The following CALN1 variants were observed in gnomAD, a reference collection of about 807,000 sequenced individuals.
CALN1 encodes calcium-binding protein 8.
A neutral mutation model predicts 30.6 loss-of-function variants in CALN1; 17 were observed. That is an observed-to-expected ratio of 0.56 (90% CI 0.38 to 0.83). The LOEUF (loss-of-function observed/expected upper bound fraction) is 0.83, where lower values mean the gene tolerates loss of function less well. CALN1 is among the 40% of genes least tolerant of loss of function. The pLI, the probability that CALN1 is intolerant of heterozygous loss-of-function variation, is 0.00. For synonymous variants in CALN1, 156 were observed against 131.4 expected, an observed-to-expected ratio of 1.19 and a Z score of -1.28; for missense variants, 291 against 354.9, an observed-to-expected ratio of 0.82 and a Z score of 1.45.
chr7:72,389,790 A>C (rs1805460824), intron 2 of CALN1, among the ~76,000 whole-genome samples: 1 of 151,990 alleles, frequency 6.6e-6, no homozygotes, highest in Non-Finnish European at 1.5e-5. Context: ...ACAGTGGTGC[A>C]TGCCTGTAAT....
At chr7:71,881,679 G>A (rs555220038) in intron 5 of CALN1, among the ~76,000 whole-genome samples, 6 of 152,134 alleles carry the variant, frequency 3.9e-5, no homozygotes, top group East Asian at 3.9e-4. Flanking sequence ...AGGCTATCCC[G>A]GGCTCTCCAT....
chr7:72,264,643 G>A (rs1218020426), intron 3 of CALN1, among the ~76,000 whole-genome samples: 1 of 152,048 alleles, frequency 6.6e-6, no homozygotes, highest in Admixed American at 6.6e-5. Context: ...CAAGACCACA[G>A]GTGTGCAAGC....
At chr7:72,118,074 G>A (rs1419452525) in intron 3 of CALN1, among the ~76,000 whole-genome samples, 1 of 152,076 alleles carries the variant, frequency 6.6e-6, no homozygotes, top group Non-Finnish European at 1.5e-5. Context: ...CCATTGATAG[G>A]ATGAACCTAC....
At chr7:72,149,168 A>G (rs1787016834) in intron 3 of CALN1, among the ~76,000 whole-genome samples, 1 of 152,052 alleles carries the variant, frequency 6.6e-6, no homozygotes, top group Admixed American at 6.6e-5. Flanking sequence ...CATGAGCCAA[A>G]TAAACCTCTA....
intron 3 of CALN1, among the ~76,000 whole-genome samples, chr7:72,236,886 C>A (rs1794506303): frequency 6.6e-6 from 1 of 152,118 alleles, no homozygotes; most frequent in Admixed American, 6.5e-5. Flanking sequence ...CCTAGGACAC[C>A]TCCCCATACT....
At chr7:71,886,364 A>T (rs1001890049) in intron 5 of CALN1, among the ~76,000 whole-genome samples, 3 of 152,190 alleles carry the variant, frequency 2.0e-5, no homozygotes, top group Admixed American at 6.5e-5. Flanking sequence ...TCAGTGTCCA[A>T]TGCTTCAGCC....
intron 2 of CALN1, among the ~76,000 whole-genome samples, chr7:72,371,197 ATTT>A (rs1804223213): frequency 6.6e-6 from 1 of 152,150 alleles, no homozygotes; most frequent in African/African-American, 2.4e-5. Flanking sequence ...TCCTTCCAGA[ATTT>A]TTATGATATC....
intron 4 of CALN1, among the ~76,000 whole-genome samples, chr7:72,036,217 TCTTA>T (rs1191449697): frequency 6.6e-6 from 1 of 152,228 alleles, no homozygotes; most frequent in Admixed American, 6.5e-5. Context: ...ATGCTGACAA[TCTTA>T]CTGACAATCT....
At chr7:72,409,704 T>C (rs1052743092) in intron 1 of CALN1, among the ~76,000 whole-genome samples, 2 of 152,064 alleles carry the variant, frequency 1.3e-5, no homozygotes, top group Non-Finnish European at 2.9e-5. Flanking sequence ...TTTATGGGCA[T>C]AAATAATTCA....
chr7:72,058,521 G>A (rs1803430489), intron 4 of CALN1, among the ~76,000 whole-genome samples: 1 of 151,890 alleles, frequency 6.6e-6, no homozygotes, highest in Admixed American at 6.6e-5. Context: ...GTTTCACCAT[G>A]TTGGTCAGGC....
intron 2 of CALN1, among the ~76,000 whole-genome samples, chr7:72,378,173 C>T (rs1489262359): frequency 2.0e-5 from 3 of 152,040 alleles, no homozygotes; most frequent in African/African-American, 7.2e-5. Context: ...AAAGTCAAGC[C>T]TTTTGAGCTA....
At chr7:72,090,326 C>T (rs1009876201) in intron 4 of CALN1, among the ~76,000 whole-genome samples, 2 of 151,998 alleles carry the variant, frequency 1.3e-5, no homozygotes, top group Non-Finnish European at 2.9e-5. Flanking sequence ...AAAATGTAAA[C>T]TAGAAACTTA....
At chr7:71,838,995 A>C (rs1345715346) in intron 5 of CALN1, among the ~76,000 whole-genome samples, 1 of 152,112 alleles carries the variant, frequency 6.6e-6, no homozygotes, top group East Asian at 1.9e-4. Context: ...TTTTCTTTAG[A>C]GAGAGGGTCT....
At chr7:72,018,770 T>C (rs1800543505) in intron 5 of CALN1, among the ~76,000 whole-genome samples, 1 of 152,210 alleles carries the variant, frequency 6.6e-6, no homozygotes, top group Non-Finnish European at 1.5e-5. Flanking sequence ...TCCCATTTGA[T>C]TTTATTCTAC....
At chr7:72,021,640 C>A (rs1225100674) in intron 5 of CALN1, among the ~76,000 whole-genome samples, 1 of 152,114 alleles carries the variant, frequency 6.6e-6, no homozygotes, top group African/African-American at 2.4e-5. Flanking sequence ...GATTCACGAG[C>A]CCCTGTCTCA....
chr7:72,205,542 C>CAAAAAAAAAA (rs375314989), intron 3 of CALN1, among the ~76,000 whole-genome samples: 1 of 53,124 alleles, frequency 1.9e-5, no homozygotes, highest in African/African-American at 1.0e-4. Context: ...CTCCTGATTG[C>CAAAAAAAAAA]AAAAAAAAAA....
intron 5 of CALN1, among the ~76,000 whole-genome samples, chr7:72,005,503 A>AT (rs1330276818): frequency 1.3e-5 from 2 of 151,748 alleles, no homozygotes; most frequent in Non-Finnish European, 2.9e-5. Context: ...TAACTTATGC[A>AT]TTTTTTAAAT....
At chr7:72,186,919 ATTTCT>A (rs1790240003) in intron 3 of CALN1, among the ~76,000 whole-genome samples, 1 of 64,964 alleles carries the variant, frequency 1.5e-5, no homozygotes, top group Admixed American at 2.0e-4. Flanking sequence ...TGATAGAATG[ATTTCT>A]TTTCCTTTGG....
Position 72,268,850 on chromosome 7 carries a change from G to A in CALN1, c.244+9836C>T, listed in dbSNP as rs914712964. ...ACAGAACTAATTGTAACATACTTCT[G>A]GGTATGACAAAGAAACTTATGCAAG... On this transcript the variant is annotated intron_variant, in intron 3 of 6. Transcript: ENST00000395275. Among the ~76,000 whole-genome samples, 15 of 145,876 alleles carry A rather than the reference G, an allele frequency of 1.0e-4. 1 individual carries two copies. Among genetic ancestry groups the A allele is most frequent in the African/African-American group, 3.5e-4 (14 of 39,930 alleles).
Sources: allele counts gnomAD v4.1 joint callset (sites outside exome capture counted in the v4.1 genomes callset), GRCh38; gene constraint gnomAD v4.1.1; transcripts MANE v1.5; gene names NCBI Gene and HGNC (gene_info 2026-07-23, HGNC 2026-07-21).